Variants in SPOCK2 observed in about 807,000 individuals in gnomAD.
The protein encoded by SPOCK2 is SPARC (osteonectin), cwcv and kazal like domains proteoglycan 2.
A neutral mutation model predicts 60.1 loss-of-function variants in SPOCK2; 39 were observed. The observed-to-expected ratio is 0.65, with a 90% CI of 0.50 to 0.85. The LOEUF (loss-of-function observed/expected upper bound fraction) is 0.85. Ranked by LOEUF, SPOCK2 falls within the 40% of genes least tolerant of loss-of-function variation. The pLI, the probability that SPOCK2 is intolerant of heterozygous loss-of-function variation, is 0.00. For missense variants in SPOCK2, 523 were observed against 567.4 expected (o/e 0.92, Z 0.80); for synonymous variants, 217 against 231.5 (o/e 0.94, Z 0.57).
intron 8 of SPOCK2, among the ~76,000 whole-genome samples, chr10:72,064,652 T>C (rs1033167054): frequency 3.3e-5 from 5 of 152,228 alleles, no homozygotes; most frequent in African/African-American, 4.8e-5. Context: ...CAGTCAACAA[T>C]GGACGGTGGC....
intron 5 of SPOCK2, 147 bp from the exon 6 acceptor site, chr10:72,068,448 C>CTCAG: frequency 1.2e-6 from 1 of 816,758 alleles, no homozygotes; most frequent in Non-Finnish European, 1.9e-6. Context: ...CTCTTGGTTC[C>CTCAG]TCTGCAGACT....
intron 2 of SPOCK2, 91 bp from the exon 3 acceptor site, chr10:72,072,639 G>C (rs769152541): frequency 8.3e-6 from 13 of 1,569,798 alleles, no homozygotes; most frequent in Non-Finnish European, 1.1e-5. Context: ...GCCTGGGCCA[G>C]CGATGTCATG....
intron 8 of SPOCK2, among the ~76,000 whole-genome samples, chr10:72,065,389 TG>T (rs1273577267): frequency 6.6e-6 from 1 of 152,232 alleles, no homozygotes; most frequent in African/African-American, 2.4e-5. Context: ...TACAACTGCC[TG>T]CAGTATTCAG....
At chr10:72,086,680 G>A (rs1840860213) in intron 1 of SPOCK2, 2 of 1,299,892 alleles carry the variant, frequency 1.5e-6, no homozygotes, top group African/African-American at 1.5e-5. Flanking sequence ...GGTCGCATGT[G>A]GGGCGAAGGC....
chr10:72,062,740 C>A lies in SPOCK2; in HGVS notation c.*20G>T. On this transcript the variant is annotated 3_prime_UTR_variant, in exon 11 of 11. Coordinates refer to ENST00000373109, the MANE Select transcript of SPOCK2 (RefSeq NM_001244950.2). The surrounding 1 kb of genome is among the most constrained non-coding windows in gnomAD (Gnocchi z 4.3). ...AGCTCTGCTGTTGAGTCCCCCCCGG[C>A]AGCCGGCTCCTGAGGGCGTCTACCA... is the stretch of plus-strand genomic sequence containing the variant. The A allele has an allele frequency of 6.3e-7, 1 of 1,590,312 alleles. No homozygotes were observed. Among genetic ancestry groups the A allele is most frequent in the Non-Finnish European group, 8.5e-7 (1 of 1,174,748 alleles).
intron 5 of SPOCK2, chr10:72,069,895 AG>A (rs1169297528): frequency 6.4e-6 from 1 of 156,782 alleles, no homozygotes; most frequent in East Asian, 1.9e-4. Flanking sequence ...CTGCCCCAGA[AG>A]GCCCCTGCTC....
At chr10:72,080,694 C>A (rs1212971389) in intron 1 of SPOCK2, among the ~76,000 whole-genome samples, 1 of 152,112 alleles carries the variant, frequency 6.6e-6, no homozygotes, top group Admixed American at 6.5e-5. Context: ...CTGTGATAGG[C>A]CTGGATAAAC....
At chr10:72,080,092 A>G (rs369599299) in intron 1 of SPOCK2, among the ~76,000 whole-genome samples, 5 of 152,180 alleles carry the variant, frequency 3.3e-5, no homozygotes, top group South Asian at 2.1e-4. Flanking sequence ...TAGGGACAGG[A>G]CTGGGCAGAG....
At chr10:72,074,720 G>T (rs1272381514) in intron 1 of SPOCK2, among the ~76,000 whole-genome samples, 1 of 152,186 alleles carries the variant, frequency 6.6e-6, no homozygotes, top group African/African-American at 2.4e-5. Context: ...GAAGGATGGG[G>T]AGGGCGGGAG....
intron 1 of SPOCK2, among the ~76,000 whole-genome samples, chr10:72,078,394 C>T (rs1423114606): frequency 1.3e-5 from 2 of 151,818 alleles, no homozygotes; most frequent in African/African-American, 4.8e-5. Context: ...GCCTGTAGTC[C>T]CAGCTACTCG....
At position 72,086,091 on chromosome 10, in the gene SPOCK2, C is replaced by T. The variant is rs542182726; in HGVS notation, c.189+2049G>A. ...TCTTTGTCCTACTTCTCTCCCTGAC[C>T]CTGTCCTCCTGCAGCCAGGACTACC... On this transcript the variant is annotated intron_variant, in intron 1 of 10. Transcript: ENST00000373109. The T allele has an allele frequency of 2.2e-5, 16 of 738,200 alleles. No homozygotes were observed. The African/African-American group carries it at 2.9e-4, about 13-fold the overall frequency. 45.7% of individuals were successfully genotyped at this position (738,200 alleles called of 1,614,324 possible). A position where few individuals can be genotyped will look rare whatever the true frequency, so the allele number is the denominator to read the frequency against.
At chr10:72,064,372 C>A (rs1840539452) in intron 8 of SPOCK2, 132 bp from the exon 9 acceptor site, 1 of 996,164 alleles carries the variant, frequency 1.0e-6, no homozygotes, top group Non-Finnish European at 1.4e-6. Context: ...CACGGGGTCA[C>A]CCCACAGCAG....
intron 6 of SPOCK2, 54 bp from the exon 7 acceptor site, chr10:72,067,786 C>T (rs776594757): frequency 5.1e-5 from 81 of 1,583,586 alleles, no homozygotes; most frequent in East Asian, 4.1e-4. Context: ...GCAGCAGGCT[C>T]GATCTCAGTC....
intron 8 of SPOCK2, among the ~76,000 whole-genome samples, chr10:72,064,734 T>A (rs1490819149): frequency 6.6e-6 from 1 of 152,200 alleles, no homozygotes; most frequent in African/African-American, 2.4e-5. Flanking sequence ...TTATTTTTTA[T>A]TTATTTATTT....
intron 1 of SPOCK2, 89 bp downstream of exon 1, chr10:72,088,051 G>T: frequency 6.6e-7 from 1 of 1,513,156 alleles, no homozygotes; most frequent in Non-Finnish European, 9.0e-7. Context: ...CTCGGGCTGC[G>T]ACGTGCGGCG....
chr10:72,084,392 C>T (rs1359335167), intron 1 of SPOCK2, among the ~76,000 whole-genome samples: 1 of 152,206 alleles, frequency 6.6e-6, no homozygotes, highest in Non-Finnish European at 1.5e-5. Context: ...CGAACTGGCA[C>T]CCAGGCCAGA....
chr10:72,068,150 C>T, intron 6 of SPOCK2, 37 bp downstream of exon 6: 1 of 1,581,750 alleles, frequency 6.3e-7, no homozygotes, highest in South Asian at 1.2e-5. Flanking sequence ...GGTGGCCCTT[C>T]AGCACCCCTA....
At chr10:72,066,272 C>A (rs1840566449) in intron 8 of SPOCK2, among the ~76,000 whole-genome samples, 1 of 151,746 alleles carries the variant, frequency 6.6e-6, no homozygotes, top group Non-Finnish European at 1.5e-5. Flanking sequence ...CTCACTTGTA[C>A]AGCCCCTTCC....
At chr10:72,076,465 G>A (rs1007368604) in intron 1 of SPOCK2, among the ~76,000 whole-genome samples, 4 of 152,232 alleles carry the variant, frequency 2.6e-5, no homozygotes, top group African/African-American at 9.7e-5. Flanking sequence ...AGTGGTGGCA[G>A]GTGGCTCTGC....
Sources: gnomAD v4.1 joint callset for allele counts (sites outside exome capture counted in the v4.1 genomes callset) on GRCh38, gnomAD v4.1.1 for gene constraint, Gnocchi (gnomAD v3.1) non-coding constraint, MANE v1.5 for transcripts, NCBI Gene and HGNC (gene_info 2026-07-23, HGNC 2026-07-21) for gene names.